THSD7A: variants seen among roughly 807,000 people sequenced by gnomAD.
THSD7A encodes the protein thrombospondin type-1 domain-containing protein 7A.
A neutral mutation model predicts 231.3 loss-of-function variants in THSD7A; 96 were observed. The ratio of observed to expected loss-of-function variants is 0.41; its 90% CI spans 0.35 to 0.49. The LOEUF (loss-of-function observed/expected upper bound fraction) is 0.49, where lower values mean the gene tolerates loss of function less well. Ranked by LOEUF, THSD7A falls within the 20% of genes least tolerant of loss-of-function variation. THSD7A has a pLI of 0.05. For missense variants in THSD7A, 2,290 were observed against 2,070.2 expected (o/e 1.11, Z -2.06); for synonymous variants, 940 against 743.3 (o/e 1.26, Z -4.30).
intron 1 of THSD7A, among the ~76,000 whole-genome samples, chr7:11,642,832 C>T (rs2128364195): frequency 6.6e-6 from 1 of 152,120 alleles, no homozygotes; most frequent in Middle Eastern, 3.4e-3. Context: ...TTATAATGTG[C>T]CTATCCTCTT....
At chr7:11,401,318 G>C in intron 23 of THSD7A, among the ~76,000 whole-genome samples, 1 of 152,054 alleles carries the variant, frequency 6.6e-6, no homozygotes, top group East Asian at 1.9e-4. Context: ...ATTTATGAAG[G>C]GTGGCAGGAT....
intron 4 of THSD7A, among the ~76,000 whole-genome samples, chr7:11,578,289 T>C (rs1791007190): frequency 6.6e-6 from 1 of 152,204 alleles, no homozygotes; most frequent in South Asian, 2.1e-4. Context: ...ATGATTTACA[T>C]ATGTTACATA....
At chr7:11,396,337 A>G (rs1783185439) in intron 23 of THSD7A, among the ~76,000 whole-genome samples, 3 of 152,200 alleles carry the variant, frequency 2.0e-5, no homozygotes, top group Admixed American at 6.5e-5. Flanking sequence ...AAAAAAATCA[A>G]TCAAGGAGCT....
At chr7:11,483,894 G>C (rs1315597625) in intron 6 of THSD7A, among the ~76,000 whole-genome samples, 9 of 152,124 alleles carry the variant, frequency 5.9e-5, no homozygotes, top group Admixed American at 5.9e-4. Context: ...TTTGCTACAA[G>C]GGTGCCATTA....
At chr7:11,649,455 C>T (rs937483192) in intron 1 of THSD7A, among the ~76,000 whole-genome samples, 3 of 151,948 alleles carry the variant, frequency 2.0e-5, no homozygotes, top group Non-Finnish European at 4.4e-5. Flanking sequence ...CAATAGATAA[C>T]TGATACAGAT....
chr7:11,822,189 A>C (rs1784895465), intron 1 of THSD7A, among the ~76,000 whole-genome samples: 1 of 151,996 alleles, frequency 6.6e-6, no homozygotes. Flanking sequence ...CTCATCATCC[A>C]TCCTCCTCTC....
chr7:11,752,808 C>A (rs1484219284), intron 1 of THSD7A, among the ~76,000 whole-genome samples: 3 of 151,904 alleles, frequency 2.0e-5, no homozygotes, highest in Non-Finnish European at 4.4e-5. Context: ...TGCCTGTAGT[C>A]CCAGCTACTC....
At position 11,474,702 on chromosome 7, in the gene THSD7A, G is replaced by A. The variant is rs928510967; in HGVS notation, c.2018-134C>T. 1.9e-5 allele frequency: 13 copies of A among 673,144 alleles called. No individual in the cohort carries two copies. Among genetic ancestry groups the A allele is most frequent in the African/African-American group, 1.3e-4 (7 of 55,014 alleles). 41.7% of individuals were successfully genotyped at this position (673,144 alleles called of 1,614,324 possible). Reference sequence around the variant, plus strand: ...CCCCACATCAAGTTCATAAATACACGCAATATTTATGTGAGATGCTTCAAG... The same window carrying A: ...CCCCACATCAAGTTCATAAATACACACAATATTTATGTGAGATGCTTCAAG... On this transcript the variant is annotated intron_variant, in intron 7 of 27. Coordinates refer to ENST00000423059, the MANE Select transcript of THSD7A (RefSeq NM_015204.3). This position sits in a 1 kb window ranked among gnomAD's most constrained non-coding sequence, Gnocchi z 4.1.
chr7:11,752,624 A>G lies in THSD7A; in HGVS notation c.190+79133T>C, dbSNP rs546793587. On this transcript the variant is annotated intron_variant, in intron 1 of 27. Coordinates refer to ENST00000423059, the MANE Select transcript of THSD7A (RefSeq NM_015204.3). ...TAGGGCTAATGATTCAACGTTTAGAAGTTTCTAAAGACCCATCTCAGTGGC... is the reference window on the plus strand; with the variant it reads ...TAGGGCTAATGATTCAACGTTTAGAGGTTTCTAAAGACCCATCTCAGTGGC... Among the ~76,000 whole-genome samples, 5 of 152,148 alleles carry G rather than the reference A, an allele frequency of 3.3e-5. No homozygotes were observed. The South Asian group carries it at 1.0e-3, about 32-fold the overall frequency.
chr7:11,483,037 C>T (rs1277067654), intron 6 of THSD7A, among the ~76,000 whole-genome samples: 2 of 152,100 alleles, frequency 1.3e-5, no homozygotes, highest in Non-Finnish European at 2.9e-5. Flanking sequence ...AATTAACCTG[C>T]TATTTTGGCA....
chr7:11,431,048 GCT>G (rs763514492), intron 13 of THSD7A, among the ~76,000 whole-genome samples: 7 of 152,140 alleles, frequency 4.6e-5, no homozygotes, highest in South Asian at 2.1e-4. Flanking sequence ...AACTCACTTA[GCT>G]TTTTCAGGAA....
intron 1 of THSD7A, among the ~76,000 whole-genome samples, chr7:11,777,009 T>C (rs1377250552): frequency 6.6e-6 from 1 of 152,206 alleles, no homozygotes; most frequent in Non-Finnish European, 1.5e-5. Flanking sequence ...GTTCTGTGTA[T>C]AGTCTCAGTT....
intron 1 of THSD7A, among the ~76,000 whole-genome samples, chr7:11,746,818 C>T (rs190762222): frequency 5.3e-5 from 8 of 151,840 alleles, no homozygotes; most frequent in Admixed American, 2.6e-4. Context: ...CTAGAGGGTG[C>T]GTTAAACTGT....
chr7:11,797,330 CTTAATT>C (rs753399638), intron 1 of THSD7A, among the ~76,000 whole-genome samples: 54 of 150,340 alleles, frequency 3.6e-4, no homozygotes, highest in Non-Finnish European at 6.7e-4. Flanking sequence ...ATTTTGCTTT[CTTAATT>C]TTAATTTTCT....
At chr7:11,482,074 A>T (rs1786449840) in intron 6 of THSD7A, 92 bp from the exon 7 acceptor site, 1 of 1,349,314 alleles carries the variant, frequency 7.4e-7, no homozygotes, top group Non-Finnish European at 1.0e-6. Context: ...AAGTTACATT[A>T]TCTTTCTTTT....
chr7:11,706,055 G>T (rs997545436), intron 1 of THSD7A, among the ~76,000 whole-genome samples: 1 of 150,886 alleles, frequency 6.6e-6, no homozygotes, highest in Admixed American at 6.6e-5. Flanking sequence ...CATTCGTCTG[G>T]TTCTTATAAA....
At chr7:11,774,557 A>G (rs1332963595) in intron 1 of THSD7A, among the ~76,000 whole-genome samples, 1 of 152,040 alleles carries the variant, frequency 6.6e-6, no homozygotes, top group Non-Finnish European at 1.5e-5. Flanking sequence ...GAGGTAATGG[A>G]TATTTTTATT....
intron 1 of THSD7A, among the ~76,000 whole-genome samples, chr7:11,657,058 GCA>G (rs1198511334): frequency 1.3e-5 from 2 of 151,728 alleles, no homozygotes; most frequent in Admixed American, 1.3e-4. Flanking sequence ...GTGAGGACAA[GCA>G]GACATATGAT....
At chr7:11,763,457 T>A (rs1190898215) in intron 1 of THSD7A, among the ~76,000 whole-genome samples, 2 of 152,232 alleles carry the variant, frequency 1.3e-5, no homozygotes, top group Non-Finnish European at 2.9e-5. Flanking sequence ...TATATCTAAA[T>A]GTATATGCAT....
Sources: allele counts gnomAD v4.1 joint callset (sites outside exome capture counted in the v4.1 genomes callset), GRCh38; gene constraint gnomAD v4.1.1; non-coding constraint Gnocchi (gnomAD v3.1); transcripts MANE v1.5; gene names NCBI Gene and HGNC (gene_info 2026-07-23, HGNC 2026-07-21).